NELL1: variants seen among roughly 807,000 people sequenced by gnomAD.
NELL1 encodes protein kinase C-binding protein NELL1.
In NELL1, 76 loss-of-function variants were observed where a neutral mutation model predicts 107.4. The ratio of observed to expected loss-of-function variants is 0.71; its 90% CI spans 0.59 to 0.86. The LOEUF (loss-of-function observed/expected upper bound fraction) is 0.86, where lower values mean the gene tolerates loss of function less well. Ranked by LOEUF, NELL1 falls within the 40% of genes least tolerant of loss-of-function variation. The probability of loss-of-function intolerance (pLI) is 0.00; values close to 1 mark genes in which losing one functional copy is unlikely to be tolerated. For missense variants in NELL1, 1,024 were observed against 1,005.5 expected, an observed-to-expected ratio of 1.02 and a Z score of -0.25; for synonymous variants, 353 against 341.2, an observed-to-expected ratio of 1.03 and a Z score of -0.38.
chr11:21,087,164 A>G (rs1854414985), intron 12 of NELL1, among the ~76,000 whole-genome samples: 1 of 152,194 alleles, frequency 6.6e-6, no homozygotes. Flanking sequence ...AACTACATAT[A>G]AAACTTATCT....
At chr11:21,513,725 T>C (rs767141542) in intron 15 of NELL1, among the ~76,000 whole-genome samples, 1 of 152,208 alleles carries the variant, frequency 6.6e-6, no homozygotes, top group South Asian at 2.1e-4. Flanking sequence ...AGGCATTATC[T>C]AATTTAAGTA....
intron 14 of NELL1, among the ~76,000 whole-genome samples, chr11:21,274,086 C>T (rs1848801064): frequency 6.6e-6 from 1 of 152,096 alleles, no homozygotes. Context: ...CTAAATGCTC[C>T]AATTAAAAGA....
At chr11:21,017,488 C>T (rs767479710) in intron 12 of NELL1, among the ~76,000 whole-genome samples, 95 of 152,122 alleles carry the variant, frequency 6.2e-4, no homozygotes, top group Non-Finnish European at 5.7e-4. Flanking sequence ...ATTTTTTATA[C>T]CTGTAATACA....
intron 12 of NELL1, among the ~76,000 whole-genome samples, chr11:21,068,579 CATACACACT>C (rs1853936493): frequency 1.3e-5 from 2 of 152,220 alleles, no homozygotes; most frequent in South Asian, 2.1e-4. Context: ...TCAACACACA[CATACACACT>C]GAAAACACAC....
At chr11:20,683,972 T>A (rs540343536) in intron 2 of NELL1, among the ~76,000 whole-genome samples, 14 of 151,788 alleles carry the variant, frequency 9.2e-5, no homozygotes, top group Non-Finnish European at 1.6e-4. Flanking sequence ...CTACTGAACT[T>A]GGGAAAAATT....
intron 15 of NELL1, among the ~76,000 whole-genome samples, chr11:21,438,711 C>A (rs1853198478): frequency 6.6e-6 from 1 of 151,686 alleles, no homozygotes; most frequent in African/African-American, 2.4e-5. Context: ...TTCAGAATTT[C>A]TTTCTTCTGC....
chr11:21,275,505 G>A (rs762191397), intron 14 of NELL1, among the ~76,000 whole-genome samples: 28 of 152,170 alleles, frequency 1.8e-4, no homozygotes, highest in Admixed American at 1.0e-3. Flanking sequence ...TTCTGAAACT[G>A]TTCCAATCAA....
chr11:21,018,108 T>A (rs1389409155), intron 12 of NELL1, among the ~76,000 whole-genome samples: 1 of 152,146 alleles, frequency 6.6e-6, no homozygotes, highest in East Asian at 1.9e-4. Flanking sequence ...ATTTCAGCCT[T>A]ATTTATCAGG....
chr11:21,571,011 G>A (rs1564966881), intron 18 of NELL1, 71 bp downstream of exon 18: 4 of 1,447,576 alleles, frequency 2.8e-6, no homozygotes, highest in African/African-American at 1.4e-5. Context: ...TTGTCTGTGG[G>A]ACCTAGTTCC....
intron 14 of NELL1, among the ~76,000 whole-genome samples, chr11:21,350,948 C>A (rs888170209): frequency 2.6e-5 from 4 of 151,980 alleles, no homozygotes; most frequent in Non-Finnish European, 4.4e-5. Flanking sequence ...GGACCTTTAC[C>A]GGTGTAGTTA....
At chr11:21,535,516 A>T (rs1856114064) in intron 16 of NELL1, among the ~76,000 whole-genome samples, 1 of 152,214 alleles carries the variant, frequency 6.6e-6, no homozygotes, top group African/African-American at 2.4e-5. Flanking sequence ...AAGATGAATT[A>T]CAGAACAATG....
At chr11:21,060,490 T>A (rs1275068418) in intron 12 of NELL1, among the ~76,000 whole-genome samples, 1 of 152,188 alleles carries the variant, frequency 6.6e-6, no homozygotes, top group African/African-American at 2.4e-5. Context: ...TGTTTCTATA[T>A]AACATTGCAA....
intron 1 of NELL1, among the ~76,000 whole-genome samples, chr11:20,674,113 G>A (rs1156367607): frequency 6.6e-6 from 1 of 152,134 alleles, no homozygotes; most frequent in African/African-American, 2.4e-5. Context: ...TTATCTTAAA[G>A]CCAGAGAAGC....
In NELL1 at chr11:21,451,185, TA is replaced by T. The variant is rs35257979; in HGVS notation, c.1645+80254del. Among the ~76,000 whole-genome samples, 318 of 101,586 alleles carry T rather than the reference TA, an allele frequency of 3.1e-3. 1 individual carries two copies. The highest frequency in any genetic ancestry group is 0.011 in the African/African-American group (264 of 23,978). 66.6% of individuals were successfully genotyped at this position (101,586 alleles called of 152,430 possible). On this transcript the variant is annotated intron_variant, in intron 15 of 19. Coordinates refer to ENST00000357134, the MANE Select transcript of NELL1 (RefSeq NM_006157.5). ...CTGGGCGACAGAGATAGACTCCGTC[TA>T]AAAAAAAAAAAAAAAAGAAAAAAAA...
intron 14 of NELL1, among the ~76,000 whole-genome samples, chr11:21,359,322 A>G (rs1426175976): frequency 6.6e-6 from 1 of 152,212 alleles, no homozygotes; most frequent in African/African-American, 2.4e-5. Context: ...CATCCTTGGT[A>G]TGAAACCCAC....
intron 2 of NELL1, among the ~76,000 whole-genome samples, chr11:20,762,687 C>T (rs963054456): frequency 6.6e-6 from 1 of 152,268 alleles, no homozygotes; most frequent in East Asian, 1.9e-4. Context: ...CTACAGCCAT[C>T]GTTACACATA....
chr11:21,527,677 G>A (rs1855888432), intron 15 of NELL1, among the ~76,000 whole-genome samples: 1 of 152,220 alleles, frequency 6.6e-6, no homozygotes, highest in Admixed American at 6.5e-5. Context: ...CTCAAAAGTA[G>A]GGAATTTGAT....
chr11:21,365,415 C>T (rs529575939), intron 14 of NELL1, among the ~76,000 whole-genome samples: 1 of 152,266 alleles, frequency 6.6e-6, no homozygotes, highest in South Asian at 2.1e-4. Flanking sequence ...GCTTTCTCAT[C>T]TGGCAGTGAG....
chr11:21,184,888 A>C (rs1180405000), intron 13 of NELL1, among the ~76,000 whole-genome samples: 1 of 151,874 alleles, frequency 6.6e-6, no homozygotes, highest in Non-Finnish European at 1.5e-5. Context: ...TATAATATTA[A>C]AAAAATTGAT....
Sources: gnomAD v4.1 joint callset for allele counts (sites outside exome capture counted in the v4.1 genomes callset) on GRCh38, gnomAD v4.1.1 for gene constraint, MANE v1.5 for transcripts, NCBI Gene and HGNC (gene_info 2026-07-23, HGNC 2026-07-21) for gene names.